GAPVD1: variants seen among roughly 807,000 people sequenced by gnomAD.
The protein encoded by GAPVD1 is GTPase activating protein and VPS9 domains 1, also known as GTPase-activating protein and VPS9 domain-containing protein 1.
A neutral mutation model predicts 155.5 loss-of-function variants in GAPVD1; 35 were observed. The observed-to-expected ratio is 0.23, with a 90% CI of 0.17 to 0.30. The LOEUF (loss-of-function observed/expected upper bound fraction) is 0.30, where lower values mean the gene tolerates loss of function less well. Ranked by LOEUF, GAPVD1 falls within the 10% of genes least tolerant of loss-of-function variation. The pLI is 1.00. For synonymous variants in GAPVD1, 636 were observed against 619.7 expected (o/e 1.03, Z -0.39); for missense variants, 1,429 against 1,775.7 (o/e 0.80, Z 3.51).
chr9:125,263,521 A>G, intron 1 of GAPVD1: 1 of 816,740 alleles, frequency 1.2e-6, no homozygotes, highest in South Asian at 1.4e-5. Flanking sequence ...TACTTAGAAG[A>G]ACTGTTGTTT....
At chr9:125,332,487 T>G (rs1200923170) in intron 14 of GAPVD1, 23 bp from the exon 15 acceptor site, 1 of 1,543,604 alleles carries the variant, frequency 6.5e-7, no homozygotes, top group South Asian at 1.2e-5. Context: ...TTCCTGTTTA[T>G]TTTTTACTAT....
rs759987461 is a variant in GAPVD1, at chr9:125,331,952, C to T, written c.2200C>T (p.Arg734Cys). Residue 734 changes from arginine to cysteine, a missense_variant, in exon 14 of 28, where the codon CGT becomes TGT. Around this residue, in one of 4 missense-constraint regions of GAPVD1, gnomAD observed 699 missense variants for 826.0 expected, o/e 0.85. Transcript: ENST00000297933. ...GGCCCCAGACCTAAAGCAGGAGGAG[C>T]GTCTGCAAGAACTGGAGAGCTGTTC... ...SEAPDLKQEE[R>C]LQELESCSGL... 5.6e-6 allele frequency: 9 copies of T among 1,613,764 alleles called. No homozygotes were observed. The highest frequency in any genetic ancestry group is 4.0e-5 in the African/African-American group (3 of 74,886).
chr9:125,344,404 T>C (rs1398212870), intron 19 of GAPVD1, among the ~76,000 whole-genome samples: 2 of 152,228 alleles, frequency 1.3e-5, no homozygotes, highest in African/African-American at 2.4e-5. Context: ...AAATAATCTG[T>C]CATGGTTTTA....
In GAPVD1 at chr9:125,357,984, A is replaced by C. The variant is rs556505965; in HGVS notation, c.3972-1436A>C. ...AGCGAAGCTCTGTCTTTAAAAAAAA[A>C]AAACACACACACACACACACACAAA... On this transcript the variant is annotated intron_variant, in intron 25 of 27. Coordinates refer to ENST00000297933, the MANE Select transcript of GAPVD1 (RefSeq NM_001282680.3). Among the ~76,000 whole-genome samples, 836 of 151,142 alleles carry C rather than the reference A, an allele frequency of 5.5e-3. 14 individuals are homozygous for C. The highest frequency in any genetic ancestry group is 0.019 in the African/African-American group (778 of 40,586).
At chr9:125,338,884 CTTA>C (rs1219754002) in intron 17 of GAPVD1, among the ~76,000 whole-genome samples, 1 of 150,958 alleles carries the variant, frequency 6.6e-6, no homozygotes, top group Non-Finnish European at 1.5e-5. Context: ...AACTTACCTA[CTTA>C]TTATATCTGT....
Position 125,328,622 on chromosome 9 carries a change from C to A in GAPVD1, c.2033-1456C>A, listed in dbSNP as rs1845568586. Among the ~76,000 whole-genome samples, 3 of 150,198 alleles carry A rather than the reference C, an allele frequency of 2.0e-5. No individual in the cohort carries two copies. The South Asian group carries it at 6.3e-4, about 32-fold the overall frequency. ...CTTCTTTCTACACAGACAGGGCAACCATCCGATTTCTCAATCTTTTCCCCA... is the reference window on the plus strand; with the variant it reads ...CTTCTTTCTACACAGACAGGGCAACAATCCGATTTCTCAATCTTTTCCCCA... On this transcript the variant is annotated intron_variant, in intron 12 of 27. Transcript: ENST00000297933.
rs1348591213 is a variant in GAPVD1 at position 125,289,006 on chromosome 9, G to T, written c.-149-6452G>T. Among the ~76,000 whole-genome samples, 3 of 152,302 alleles carry T rather than the reference G, an allele frequency of 2.0e-5. No homozygotes were observed. The South Asian group carries it at 6.2e-4, about 32-fold the overall frequency. ...TCTGGGATGGTGAGCAAGTGCAAAG[G>T]TACTAAGGTAGAAGTGTGTCTGGCA... On this transcript the variant is annotated intron_variant, in intron 2 of 27. Coordinates refer to ENST00000297933, the MANE Select transcript of GAPVD1 (RefSeq NM_001282680.3).
chr9:125,310,071 G>A (rs1228669209), intron 8 of GAPVD1: 1 of 326,172 alleles, frequency 3.1e-6, no homozygotes, highest in African/African-American at 2.2e-5. Context: ...GTTTATAAAA[G>A]TATGCTCCAT....
At position 125,341,218 on chromosome 9, in the gene GAPVD1, G is replaced by T. The variant is rs1230777578; in HGVS notation, c.2919G>T (p.Arg973Ser). 6.2e-7 allele frequency: 1 copy of T among 1,606,198 alleles called. No individual in the cohort carries two copies. Among genetic ancestry groups the T allele is most frequent in the Non-Finnish European group, 8.5e-7 (1 of 1,173,854 alleles). The change falls in exon 18 of 28, where the codon AGG (arginine) becomes AGT (serine). Residue 973 changes from arginine (R) to serine (S), a missense_variant. By Grantham distance (110) the Arg-to-Ser change is moderately radical. This residue lies in a region of GAPVD1 where 699 missense variants were observed against 826.0 expected (regional missense o/e 0.85). Transcript: ENST00000297933. ...ATAGCGATGATGAGAAATCAGACAG[G>T]AACAGACCTTGGTGGAGAAAACGTT... ...RKDSDDEKSD[R>S]NRPWWRKRFV...
intron 2 of GAPVD1, among the ~76,000 whole-genome samples, chr9:125,273,667 G>A (rs1288822920): frequency 2.0e-5 from 3 of 151,836 alleles, no homozygotes; most frequent in East Asian, 3.9e-4. Flanking sequence ...TCAGGTGATC[G>A]GTGATCAGAG....
chr9:125,336,917 C>CA, intron 15 of GAPVD1, 101 bp from the exon 16 acceptor site: 1 of 666,374 alleles, frequency 1.5e-6, no homozygotes. Flanking sequence ...TCTAATGGAT[C>CA]AAAAAAGGAA....
At chr9:125,279,617 G>A (rs979962364) in intron 2 of GAPVD1, among the ~76,000 whole-genome samples, 1 of 150,048 alleles carries the variant, frequency 6.7e-6, no homozygotes, top group Non-Finnish European at 1.5e-5. Context: ...AAAAAACACT[G>A]AGGAAAAGTA....
chr9:125,349,260 C>CT (rs1167220564), intron 20 of GAPVD1, 130 bp from the exon 21 acceptor site: 104 of 742,940 alleles, frequency 1.4e-4, no homozygotes, highest in South Asian at 3.0e-4. Context: ...TTTTTTCTTT[C>CT]TTTTTTTTCC....
rs1205924996 is a variant in GAPVD1, at chr9:125,349,277, C to T, written c.3170-113C>T. 20 of 827,066 alleles carry T rather than the reference C, an allele frequency of 2.4e-5. No individual in the cohort carries two copies. The East Asian group carries it at 4.6e-4, about 19-fold the overall frequency. The allele number at this position is 827,066 out of a possible 1,614,324, so 51.2% of individuals were successfully genotyped here. ...TTTTCTTTCTTTTTTTTCCAGAGAACTCTTATTATTAGTCAATGGTAATTT... is the reference window on the plus strand; with the variant it reads ...TTTTCTTTCTTTTTTTTCCAGAGAATTCTTATTATTAGTCAATGGTAATTT... On this transcript the variant is annotated intron_variant, in intron 20 of 27. Transcript: ENST00000297933.
intron 8 of GAPVD1, chr9:125,308,411 T>TA (rs1842183998): frequency 6.6e-6 from 1 of 151,952 alleles, no homozygotes; most frequent in African/African-American, 2.4e-5. Context: ...TAATAAACAA[T>TA]ATTATTTTAG....
chr9:125,318,691 A>G (rs992255795), intron 9 of GAPVD1, among the ~76,000 whole-genome samples: 4 of 152,074 alleles, frequency 2.6e-5, no homozygotes, highest in Non-Finnish European at 5.9e-5. Context: ...CTGAGGTGAG[A>G]GGATTGCTTG....
At chr9:125,361,991 C>T (rs186448498) in intron 27 of GAPVD1, among the ~76,000 whole-genome samples, 3 of 152,348 alleles carry the variant, frequency 2.0e-5, no homozygotes, top group East Asian at 3.9e-4. Flanking sequence ...TTGGTCGTCA[C>T]AGCTCCTCCT....
chr9:125,352,216 C>G (rs997775026), intron 23 of GAPVD1, among the ~76,000 whole-genome samples: 13 of 152,218 alleles, frequency 8.5e-5, no homozygotes, highest in Non-Finnish European at 1.3e-4. Flanking sequence ...TCTCACAGCT[C>G]TACTAGGCAG....
intron 2 of GAPVD1, among the ~76,000 whole-genome samples, chr9:125,282,763 A>G (rs1478933714): frequency 1.3e-5 from 2 of 152,192 alleles, no homozygotes; most frequent in African/African-American, 4.8e-5. Flanking sequence ...AGATGAGGAA[A>G]TAAACTTTGG....
Sources: allele counts gnomAD v4.1 joint callset (sites outside exome capture counted in the v4.1 genomes callset), GRCh38; gene constraint gnomAD v4.1.1; regional missense constraint gnomAD v4.1.1; transcripts MANE v1.5; gene names NCBI Gene and HGNC (gene_info 2026-07-23, HGNC 2026-07-21).